The following ZNF568 variants were observed in gnomAD, a reference collection of about 807,000 sequenced individuals.
ZNF568 encodes the protein zinc finger protein 568, also known as p53 inhibitor of SCO2 activation.
In ZNF568, 11 loss-of-function variants were observed where a neutral mutation model predicts 18.1. The ratio of observed to expected loss-of-function variants is 0.61; its 90% confidence interval spans 0.38 to 1.00. The LOEUF (loss-of-function observed/expected upper bound fraction) is 1.00. Among genes scored for constraint, ZNF568 ranks in the 50% least tolerant of loss-of-function variants. The pLI, the probability that ZNF568 is intolerant of heterozygous loss-of-function variation, is 0.01. For missense variants in ZNF568, 639 were observed against 768.2 expected (o/e 0.83, Z 1.99); for synonymous variants, 213 against 246.6 (o/e 0.86, Z 1.28).
rs71177418 is a variant in ZNF568 at position 36,962,277 on chromosome 19, G to GTTTT, written c.359-12123_359-12120dup. On this transcript the variant is annotated intron_variant, in intron 6 of 7. Transcript: ENST00000427117. ...TTTTCATGATGGTAAGTGTTGCAGT[G>GTTTT]TTTTTTTTTTTTTTTTTTTTTTTGC... Among the ~76,000 whole-genome samples, 144 of 45,176 alleles carry GTTTT rather than the reference G, an allele frequency of 3.2e-3. 1 individual carries two copies. The highest frequency in any genetic ancestry group is 6.2e-3 in the South Asian group (6 of 964). 29.6% of individuals were successfully genotyped at this position (45,176 alleles called of 152,430 possible).
At chr19:36,990,648 C>T (rs1181506123) in intron 2 of ZNF568, among the ~76,000 whole-genome samples, 1 of 152,070 alleles carries the variant, frequency 6.6e-6, no homozygotes, top group East Asian at 1.9e-4. Context: ...TAATGAATGA[C>T]TATTATAACT....
chr19:36,951,004 T>C lies in ZNF568; in HGVS notation c.1851T>C (p.Asn617=). Residue 617 remains asparagine, a synonymous_variant, in exon 7 of 7, where the codon AAT becomes AAC. Coordinates refer to ENST00000333987, the MANE Select transcript of ZNF568 (RefSeq NM_198539.4). ...CTGGTGAGAAACCCTTTGAATGTAA[T>C]GAATGTGGGAAAGCATTCTCTCAAA... ...SHTGEKPFEC[N]ECGKAFSQRA... 6.2e-7 allele frequency: 1 copy of C among 1,613,214 alleles called. No homozygotes were observed. The highest frequency in any genetic ancestry group is 8.5e-7 in the Non-Finnish European group (1 of 1,179,682).
At chr19:36,927,494 C>T (rs568686838) in intron 4 of ZNF568, among the ~76,000 whole-genome samples, 1 of 152,026 alleles carries the variant, frequency 6.6e-6, no homozygotes, top group Non-Finnish European at 1.5e-5. Flanking sequence ...TTACTGTATA[C>T]ATACATGATG....
In ZNF568 at chr19:36,974,698, C is replaced by T. The variant is rs1012794871; in HGVS notation, c.405+232C>T. ...CCCTGGATTTTATTCATGCTCACAA[C>T]AGTGTTGACAGAGAACATGCCTCAG... On this transcript the variant is annotated intron_variant, in intron 7 of 7. Coordinates refer to the ZNF568 transcript ENST00000427117. 4.4e-4 allele frequency among the ~76,000 whole-genome samples: 67 copies of T among 152,138 alleles called. 1 individual carries two copies. Among genetic ancestry groups the T allele is most frequent in the Admixed American group, 3.8e-3 (58 of 15,260 alleles).
At chr19:36,955,492 A>G (rs148558479), downstream of ZNF568, among the ~76,000 whole-genome samples, 1 of 152,302 alleles carries the variant, frequency 6.6e-6, no homozygotes, top group East Asian at 1.9e-4. Context: ...GTCAGCAAGC[A>G]GATGATCTGG....
intron 4 of ZNF568, among the ~76,000 whole-genome samples, chr19:36,993,330 G>C (rs1204095777): frequency 1.3e-5 from 2 of 152,146 alleles, no homozygotes; most frequent in African/African-American, 2.4e-5. Flanking sequence ...TTATGCTGTT[G>C]GATCTGGTTT....
chr19:36,948,290 T>C (rs1232212336), intron 6 of ZNF568, among the ~76,000 whole-genome samples: 2 of 152,188 alleles, frequency 1.3e-5, no homozygotes, highest in African/African-American at 4.8e-5. Context: ...TCCATGTCTT[T>C]TCATAACTTG....
intron 2 of ZNF568, among the ~76,000 whole-genome samples, chr19:36,918,856 T>A (rs79927419): frequency 6.6e-6 from 1 of 152,336 alleles, no homozygotes; most frequent in Non-Finnish European, 1.5e-5. Context: ...TTGACTATTC[T>A]AAATACTTCA....
intron 4 of ZNF568, among the ~76,000 whole-genome samples, chr19:36,995,300 G>A (rs919346435): frequency 6.6e-5 from 10 of 152,150 alleles, no homozygotes; most frequent in African/African-American, 2.4e-4. Context: ...TCAGGAGGCT[G>A]AGGCATGAGA....
Position 36,944,504 on chromosome 19 carries a change from GCTC to G in ZNF568, c.359-5004_359-5002del, listed in dbSNP as rs2073931702. ...TTTACCTTTTATGCTGAAAATCTTG[GCTC>G]CTCATTACATGTTTATTTCCTTAAT... is the stretch of plus-strand genomic sequence containing the variant. On this transcript the variant is annotated intron_variant, in intron 6 of 6. Coordinates refer to ENST00000333987, the MANE Select transcript of ZNF568 (RefSeq NM_198539.4). Among the ~76,000 whole-genome samples the G allele has an allele frequency of 2.6e-5, 4 of 151,948 alleles. 1 individual carries two copies. The South Asian group carries it at 8.3e-4, about 32-fold the overall frequency.
intron 6 of ZNF568, among the ~76,000 whole-genome samples, chr19:36,967,772 A>G (rs1291778116): frequency 6.6e-6 from 1 of 152,216 alleles, no homozygotes; most frequent in Non-Finnish European, 1.5e-5. Flanking sequence ...CTCATAAGGC[A>G]GGACAGTTTG....
At chr19:36,926,127 A>G (rs899858269) in intron 4 of ZNF568, among the ~76,000 whole-genome samples, 1 of 152,146 alleles carries the variant, frequency 6.6e-6, no homozygotes, top group South Asian at 2.1e-4. Flanking sequence ...TTATACTAAT[A>G]TTCTATGGCA....
At chr19:36,966,734 C>T (rs1003278872) in intron 6 of ZNF568, among the ~76,000 whole-genome samples, 1 of 152,180 alleles carries the variant, frequency 6.6e-6, no homozygotes, top group African/African-American at 2.4e-5. Flanking sequence ...CTTTTCCTTG[C>T]TCTTGCTTCA....
intron 7 of ZNF568, among the ~76,000 whole-genome samples, chr19:36,977,339 T>A (rs1207387843): frequency 6.6e-6 from 1 of 152,222 alleles, no homozygotes; most frequent in African/African-American, 2.4e-5. Context: ...TTTAGATTTT[T>A]TATGCAACTT....
At chr19:36,974,546 T>C in intron 7 of ZNF568, 1 of 1,353,694 alleles carries the variant, frequency 7.4e-7, no homozygotes, top group Non-Finnish European at 1.0e-6. Flanking sequence ...TTATCTAAAA[T>C]ATTTACATTC....
intron 6 of ZNF568, among the ~76,000 whole-genome samples, chr19:36,960,820 T>C (rs753609790): frequency 6.6e-6 from 1 of 152,202 alleles, no homozygotes; most frequent in Non-Finnish European, 1.5e-5. Context: ...TTTCCATTTA[T>C]TGGTATAGTT....
At chr19:36,930,941 T>G (rs114637993) in intron 4 of ZNF568, among the ~76,000 whole-genome samples, 2,631 of 152,316 alleles carry the variant, frequency 0.017, 40 homozygotes, top group Middle Eastern at 0.054. Flanking sequence ...GCATTTTTTT[T>G]CAGTCAGAAA....
At chr19:36,921,393 G>A (rs1050272169) in intron 2 of ZNF568, among the ~76,000 whole-genome samples, 3 of 151,924 alleles carry the variant, frequency 2.0e-5, no homozygotes, top group African/African-American at 4.8e-5. Context: ...CCCAGGAGGC[G>A]GAGGTTGCAG....
exon 3 of ZNF568, chr19:36,991,278 T>G (rs1207429019): frequency 6.5e-7 from 1 of 1,535,374 alleles, no homozygotes; most frequent in Non-Finnish European, 8.7e-7. Flanking sequence ...GTTGGAAAAT[T>G]ACGGCAACCT....
Sources: allele counts gnomAD v4.1 joint callset (sites outside exome capture counted in the v4.1 genomes callset), GRCh38; gene constraint gnomAD v4.1.1; transcripts MANE v1.5; gene names NCBI Gene and HGNC (gene_info 2026-07-23, HGNC 2026-07-21).